Variants in NRF1 observed in about 807,000 individuals in gnomAD.
The protein encoded by NRF1 is nuclear respiratory factor 1.
Under a neutral mutation model 58.5 loss-of-function variants are expected in NRF1, and 5 were observed. The ratio of observed to expected loss-of-function variants is 0.09; its 90% CI spans 0.04 to 0.18. The LOEUF (loss-of-function observed/expected upper bound fraction) is 0.18, where lower values mean the gene tolerates loss of function less well. NRF1 is among the 10% of genes least tolerant of loss of function. The pLI is 1.00. For missense variants in NRF1, 288 were observed against 657.7 expected, an observed-to-expected ratio of 0.44 and a Z score of 6.15; for synonymous variants, 224 against 246.7, an observed-to-expected ratio of 0.91 and a Z score of 0.86.
intron 1 of NRF1, among the ~76,000 whole-genome samples, chr7:129,634,960 TTTTC>T (rs1011165735): frequency 5.9e-5 from 9 of 152,352 alleles, no homozygotes; most frequent in Admixed American, 5.9e-4. Flanking sequence ...TTGCTTTCTC[TTTTC>T]TTTATCTATT....
At position 129,654,449 on chromosome 7, in the gene NRF1, A is replaced by G. The variant is rs192031034; in HGVS notation, c.-6-2897A>G. Among the ~76,000 whole-genome samples the G allele has an allele frequency of 1.5e-3, 235 of 152,164 alleles. 1 individual carries two copies. The highest frequency in any genetic ancestry group is 5.2e-3 in the African/African-American group (215 of 41,508). On this transcript the variant is annotated intron_variant, in intron 1 of 10. Transcript: ENST00000393232. The stretch of plus-strand genomic sequence containing the variant: ...TTTGGCAGTGTCTTTCACAGGGCAG[A>G]AGTTTCTTGTTTTAATGAAGTCCAG...
intron 9 of NRF1, among the ~76,000 whole-genome samples, chr7:129,725,691 C>G (rs1377057479): frequency 6.6e-6 from 1 of 152,094 alleles, no homozygotes; most frequent in African/African-American, 2.4e-5. Context: ...TTAAAATTTT[C>G]TTTTATACTT....
intron 4 of NRF1, among the ~76,000 whole-genome samples, chr7:129,684,359 G>C (rs915092074): frequency 5.3e-4 from 80 of 152,138 alleles, no homozygotes; most frequent in Non-Finnish European, 7.3e-5. Flanking sequence ...GTAAGAAAAG[G>C]CTATGTATTA....
chr7:129,717,428 A>T (rs1047031627), intron 9 of NRF1, 52 bp downstream of exon 9: 13 of 1,542,180 alleles, frequency 8.4e-6, no homozygotes, highest in Non-Finnish European at 1.1e-5. Flanking sequence ...GTCCCTGCAG[A>T]TATGGGTGGA....
chr7:129,745,266 C>T (rs1803946480), intron 10 of NRF1, among the ~76,000 whole-genome samples: 1 of 152,122 alleles, frequency 6.6e-6, no homozygotes, highest in Admixed American at 6.5e-5. Flanking sequence ...CTAGTGATTT[C>T]TTCTGGGAAT....
chr7:129,668,310 T>G (rs1339944881), intron 2 of NRF1, among the ~76,000 whole-genome samples: 1 of 152,242 alleles, frequency 6.6e-6, no homozygotes, highest in Non-Finnish European at 1.5e-5. Flanking sequence ...TCTTATTTAT[T>G]TATCTCATCT....
intron 10 of NRF1, among the ~76,000 whole-genome samples, chr7:129,734,032 A>C (rs1057001893): frequency 6.6e-6 from 1 of 152,114 alleles, no homozygotes; most frequent in African/African-American, 2.4e-5. Context: ...CAAAAAAGAA[A>C]AAAAAAAGAT....
chr7:129,619,307 C>T (rs1441075936), intron 1 of NRF1, among the ~76,000 whole-genome samples: 2 of 147,104 alleles, frequency 1.4e-5, no homozygotes, highest in African/African-American at 5.1e-5. Context: ...GAACCCAGCA[C>T]TTCAAGACCA....
intron 1 of NRF1, among the ~76,000 whole-genome samples, chr7:129,630,566 TAAG>T: frequency 6.6e-6 from 1 of 152,332 alleles, no homozygotes; most frequent in Admixed American, 6.5e-5. Context: ...CATAGTGAGT[TAAG>T]AAATACATTT....
At chr7:129,752,370 G>A (rs1804139313) in intron 10 of NRF1, among the ~76,000 whole-genome samples, 1 of 151,856 alleles carries the variant, frequency 6.6e-6, no homozygotes, top group African/African-American at 2.4e-5. Context: ...GTAGTCTGGG[G>A]GTGGGGGGCA....
At chr7:129,653,809 G>T (rs1801592315) in intron 1 of NRF1, among the ~76,000 whole-genome samples, 1 of 152,158 alleles carries the variant, frequency 6.6e-6, no homozygotes, top group Non-Finnish European at 1.5e-5. Context: ...TAGCTTGAAA[G>T]CTCATTTCTT....
At chr7:129,638,130 T>TG (rs1459072224) in intron 1 of NRF1, among the ~76,000 whole-genome samples, 1 of 152,122 alleles carries the variant, frequency 6.6e-6, no homozygotes, top group African/African-American at 2.4e-5. Flanking sequence ...TCACTCTTTT[T>TG]GGGGGTTGTG....
chr7:129,731,660 ACT>A (rs1194903027), intron 10 of NRF1, among the ~76,000 whole-genome samples: 3 of 151,750 alleles, frequency 2.0e-5, no homozygotes, highest in Admixed American at 6.6e-5. Context: ...ACAGGGTCTC[ACT>A]CTGTCACCTA....
intron 5 of NRF1, among the ~76,000 whole-genome samples, chr7:129,701,224 T>TA (rs1335515833): frequency 6.6e-6 from 1 of 151,980 alleles, no homozygotes; most frequent in African/African-American, 2.4e-5. Context: ...AGTAAATATA[T>TA]AAAAAGATTG....
intron 1 of NRF1, among the ~76,000 whole-genome samples, chr7:129,625,613 G>A (rs1800895226): frequency 6.6e-6 from 1 of 150,952 alleles, no homozygotes; most frequent in Admixed American, 6.6e-5. Context: ...CAGTCTTCCT[G>A]TGTTAGCCTC....
At chr7:129,690,593 G>A (rs755732796) in intron 5 of NRF1, 47 bp downstream of exon 5, 2 of 1,605,574 alleles carry the variant, frequency 1.2e-6, no homozygotes, top group South Asian at 1.1e-5. Flanking sequence ...AGTGGCACAG[G>A]TGTGGGCGGG....
At chr7:129,706,057 G>T (rs1802943688) in intron 5 of NRF1, among the ~76,000 whole-genome samples, 1 of 152,222 alleles carries the variant, frequency 6.6e-6, no homozygotes, top group South Asian at 2.1e-4. Flanking sequence ...ATGGAAAATA[G>T]TCCAGCCAGG....
chr7:129,729,827 G>A (rs1174363783), intron 10 of NRF1, among the ~76,000 whole-genome samples: 1 of 152,032 alleles, frequency 6.6e-6, no homozygotes, highest in East Asian at 1.9e-4. Flanking sequence ...AGAGTTTGTT[G>A]CTTCTTTTTG....
intron 4 of NRF1, among the ~76,000 whole-genome samples, chr7:129,678,698 T>G (rs1162247105): frequency 2.0e-5 from 3 of 152,192 alleles, no homozygotes; most frequent in African/African-American, 7.2e-5. Context: ...ACTGTCACAC[T>G]GTTGACAAAC....
Sources: allele counts gnomAD v4.1 joint callset (sites outside exome capture counted in the v4.1 genomes callset), GRCh38; gene constraint gnomAD v4.1.1; transcripts MANE v1.5; gene names NCBI Gene and HGNC (gene_info 2026-07-23, HGNC 2026-07-21).